Variants in RIT2 observed in about 807,000 individuals in gnomAD.
The protein encoded by RIT2 is GTP-binding protein Rit2.
Under a neutral mutation model 23.7 loss-of-function variants are expected in RIT2, and 24 were observed. The ratio of observed to expected loss-of-function variants is 1.01; its 90% CI spans 0.73 to 1.43. The LOEUF is 1.43. RIT2 is among the 40% of genes most tolerant of loss of function. The pLI is 0.00. For missense variants in RIT2, 236 were observed against 266.9 expected, an observed-to-expected ratio of 0.88 and a Z score of 0.81; for synonymous variants, 107 against 91.1, an observed-to-expected ratio of 1.17 and a Z score of -0.99.
At chr18:42,938,090 A>ATC (rs1909506396) in intron 3 of RIT2, among the ~76,000 whole-genome samples, 1 of 152,114 alleles carries the variant, frequency 6.6e-6, no homozygotes, top group African/African-American at 2.4e-5. Flanking sequence ...AAGAGGAAAT[A>ATC]TGATATCTAA....
At position 42,990,828 on chromosome 18, in the gene RIT2, C is replaced by T. The variant is rs969492752; in HGVS notation, c.161-16681G>A. Among the ~76,000 whole-genome samples the T allele has an allele frequency of 1.1e-4, 16 of 151,318 alleles. No individual in the cohort carries two copies. The South Asian group carries it at 2.3e-3, about 22-fold the overall frequency. Reference sequence around the variant, plus strand: ...AAAAAGAGGTATTACACTTTACAATCACAGACCCAATAGGAGGGGGTTGGG... The same window carrying T: ...AAAAAGAGGTATTACACTTTACAATTACAGACCCAATAGGAGGGGGTTGGG... On this transcript the variant is annotated intron_variant, in intron 2 of 4. Transcript: ENST00000326695.
intron 4 of RIT2, among the ~76,000 whole-genome samples, chr18:42,790,837 A>G (rs1315332382): frequency 2.0e-5 from 3 of 152,212 alleles, no homozygotes; most frequent in Non-Finnish European, 2.9e-5. Context: ...AGATAAGCAA[A>G]TTTATGCTCA....
chr18:42,894,914 T>C (rs1269506349), intron 4 of RIT2, among the ~76,000 whole-genome samples: 1 of 152,222 alleles, frequency 6.6e-6, no homozygotes, highest in Non-Finnish European at 1.5e-5. Flanking sequence ...CCTTTGGGCT[T>C]TGCCCCTCCA....
chr18:42,988,610 C>A (rs940583285), intron 2 of RIT2, among the ~76,000 whole-genome samples: 1 of 152,192 alleles, frequency 6.6e-6, no homozygotes, highest in African/African-American at 2.4e-5. Flanking sequence ...ATTTTACTTC[C>A]AGGAACTCCC....
intron 1 of RIT2, among the ~76,000 whole-genome samples, chr18:43,086,217 A>C (rs1205580198): frequency 6.6e-6 from 1 of 152,092 alleles, no homozygotes; most frequent in Non-Finnish European, 1.5e-5. Context: ...TCATGTTAAC[A>C]CTCAAAAAGT....
chr18:42,897,884 G>A (rs1201773679), intron 4 of RIT2, among the ~76,000 whole-genome samples: 1 of 152,156 alleles, frequency 6.6e-6, no homozygotes, highest in Non-Finnish European at 1.5e-5. Context: ...GTTAGCTGAT[G>A]TAAATAAATA....
At chr18:42,923,278 T>A (rs1195491755) in intron 4 of RIT2, 1 of 253,910 alleles carries the variant, frequency 3.9e-6, no homozygotes, top group Non-Finnish European at 7.4e-6. Context: ...ACTGCAGAAA[T>A]CTTAAGGCTA....
In RIT2 at chr18:43,014,395, G is replaced by C. The variant is rs534759971; in HGVS notation, c.160+19416C>G. Among the ~76,000 whole-genome samples the C allele has an allele frequency of 4.6e-5, 7 of 151,808 alleles. No individual in the cohort carries two copies. The East Asian group carries it at 1.4e-3, about 30-fold the overall frequency. On this transcript the variant is annotated intron_variant, in intron 2 of 4. Transcript: ENST00000326695. ...AACTTGACAGGGCAGCCCAAGTACA[G>C]CATTGCAGGACATACTACCCTTTTT...
chr18:42,891,968 G>T (rs1908190623), intron 4 of RIT2, among the ~76,000 whole-genome samples: 1 of 152,020 alleles, frequency 6.6e-6, no homozygotes, highest in Non-Finnish European at 1.5e-5. Context: ...GTTGATAATA[G>T]GAGAGGCTTT....
chr18:43,023,222 A>G (rs923617959), intron 2 of RIT2, among the ~76,000 whole-genome samples: 21 of 152,200 alleles, frequency 1.4e-4, no homozygotes, highest in African/African-American at 4.8e-4. Flanking sequence ...AGAATTTCCA[A>G]TTATGATTTC....
In RIT2 at chr18:42,781,569, CA is replaced by C. The variant is rs566787739; in HGVS notation, c.427-37850del. Among the ~76,000 whole-genome samples, 644 of 152,244 alleles carry C rather than the reference CA, an allele frequency of 4.2e-3. 1 individual carries two copies. Among genetic ancestry groups the C allele is most frequent in the Non-Finnish European group, 6.6e-3 (446 of 68,018 alleles). On this transcript the variant is annotated intron_variant, in intron 4 of 4. Coordinates refer to ENST00000326695, the MANE Select transcript of RIT2 (RefSeq NM_002930.4). ...GGATTGTGCTCCACACATCTGTCACCATATTCCTCATGACTTTTAGGCACCA... is the reference window on the plus strand; with the variant it reads ...GGATTGTGCTCCACACATCTGTCACCTATTCCTCATGACTTTTAGGCACCA...
At chr18:42,762,801 CTCAAATCAACCAATGCAGTATA>C (rs1913332605) in intron 4 of RIT2, among the ~76,000 whole-genome samples, 1 of 152,170 alleles carries the variant, frequency 6.6e-6, no homozygotes, top group African/African-American at 2.4e-5. Flanking sequence ...TTTTGTTGAT[CTCAAATCAACCAATGCAGTATA>C]TATGTAACTA....
At position 43,033,854 on chromosome 18, in the gene RIT2, C is replaced by G; in HGVS notation, c.117G>C (p.Gln39His). 1 of 1,606,252 alleles carries G rather than the reference C, an allele frequency of 6.2e-7. No homozygotes were observed. The highest frequency in any genetic ancestry group is 1.1e-5 in the South Asian group (1 of 90,636). The part of the protein sequence containing the change: ...GGVGKSAMTM[Q>H]FISHQFPDYH... ...AATCAGGGAACTGATGACTAATAAA[C>G]TGCATTGTCATTGCTGAAAGAAAAA... Residue 39 changes from glutamine (Q) to histidine (H), a missense_variant, in exon 2 of 5, where the codon CAG (glutamine) becomes CAC (histidine). By Grantham distance (24) the Gln-to-His change is conservative. Coordinates refer to ENST00000326695, the MANE Select transcript of RIT2 (RefSeq NM_002930.4).
intron 1 of RIT2, among the ~76,000 whole-genome samples, chr18:43,048,455 G>A (rs1454629752): frequency 1.2e-4 from 18 of 152,194 alleles, no homozygotes; most frequent in Non-Finnish European, 7.4e-5. Context: ...ACATTTCCTG[G>A]ATATTTACAC....
chr18:43,095,849 A>T (rs1239785977), intron 1 of RIT2, among the ~76,000 whole-genome samples: 1 of 151,996 alleles, frequency 6.6e-6, no homozygotes, highest in Non-Finnish European at 1.5e-5. Context: ...GATGTTAAAA[A>T]ATCTACTTTC....
At chr18:42,929,811 C>T (rs754911200) in intron 3 of RIT2, among the ~76,000 whole-genome samples, 2 of 152,142 alleles carry the variant, frequency 1.3e-5, no homozygotes, top group Admixed American at 6.5e-5. Context: ...CACAAAATAA[C>T]AGCCAGGAGC....
chr18:43,010,158 C>T (rs75197079), intron 2 of RIT2, among the ~76,000 whole-genome samples: 4,892 of 151,870 alleles, frequency 0.032, 274 homozygotes, highest in African/African-American at 0.11. Context: ...TTATCAAACT[C>T]CAAACTTGTA....
intron 4 of RIT2, among the ~76,000 whole-genome samples, chr18:42,900,645 C>T (rs975564883): frequency 1.3e-5 from 2 of 151,890 alleles, no homozygotes; most frequent in African/African-American, 4.8e-5. Flanking sequence ...AAAAATGTAC[C>T]CTTAAATAAT....
intron 4 of RIT2, among the ~76,000 whole-genome samples, chr18:42,868,303 G>A: frequency 6.6e-6 from 1 of 151,928 alleles, no homozygotes; most frequent in East Asian, 1.9e-4. Context: ...TCTCATAATT[G>A]CTCCTTAGTT....
Sources: allele counts gnomAD v4.1 joint callset (sites outside exome capture counted in the v4.1 genomes callset), GRCh38; gene constraint gnomAD v4.1.1; transcripts MANE v1.5; gene names NCBI Gene and HGNC (gene_info 2026-07-23, HGNC 2026-07-21).